USP15: variants seen among roughly 807,000 people sequenced by gnomAD.
USP15 encodes the protein ubiquitin carboxyl-terminal hydrolase 15.
A neutral mutation model predicts 127.1 loss-of-function variants in USP15; 18 were observed. That is an observed-to-expected ratio of 0.14 (90% confidence interval 0.10 to 0.21). USP15 has a LOEUF of 0.21. USP15 is among the 10% of genes least tolerant of loss of function. The pLI is 1.00. For synonymous variants in USP15, 364 were observed against 393.7 expected (o/e 0.92, Z 0.89); for missense variants, 805 against 1,159.9 (o/e 0.69, Z 4.44).
intron 10 of USP15, 34 bp downstream of exon 10, chr12:62,384,032 T>G: frequency 1.2e-6 from 2 of 1,610,332 alleles, no homozygotes; most frequent in Admixed American, 3.4e-5. Context: ...ACCATTGTTA[T>G]AATTTTGTGA....
rs183980702 is a variant in USP15, at chr12:62,370,996, T to G, written c.916-10494T>G. 5.3e-5 allele frequency among the ~76,000 whole-genome samples: 8 copies of G among 152,322 alleles called. No individual in the cohort carries two copies. In the East Asian group the frequency reaches 1.5e-3, roughly 29 times the overall value. On this transcript the variant is annotated intron_variant, in intron 8 of 21. Coordinates refer to ENST00000280377, the MANE Select transcript of USP15 (RefSeq NM_001252078.2). ...TTTTTCCCTTTCCTCTCCTGTTACA[T>G]TATTTCAATGCTTAAGCATCTTTTT...
chr12:62,346,360 G>A (rs2065818095), intron 6 of USP15, among the ~76,000 whole-genome samples: 1 of 152,106 alleles, frequency 6.6e-6, no homozygotes, highest in South Asian at 2.1e-4. Flanking sequence ...TAAGGTTTCA[G>A]CAGTTTTATC....
At chr12:62,358,327 GA>G (rs1381605835) in intron 8 of USP15, among the ~76,000 whole-genome samples, 1 of 152,120 alleles carries the variant, frequency 6.6e-6, no homozygotes, top group Non-Finnish European at 1.5e-5. Flanking sequence ...TTAATTTAAT[GA>G]TATTGGTACT....
In USP15 at chr12:62,308,511, C is replaced by G. The variant is rs181652549; in HGVS notation, c.348+5591C>G. 2.8e-3 allele frequency among the ~76,000 whole-genome samples: 425 copies of G among 152,170 alleles called. 1 individual carries two copies. The highest frequency in any genetic ancestry group is 9.7e-3 in the African/African-American group (402 of 41,524). ...GCACATACCTCCCTCATCCCCTCCC[C>G]TCGGATCACTCACTCTGGGCGAAGC... On this transcript the variant is annotated intron_variant, in intron 3 of 21. Transcript: ENST00000280377.
chr12:62,262,068 G>A (rs796175996), intron 1 of USP15, among the ~76,000 whole-genome samples: 4 of 151,918 alleles, frequency 2.6e-5, no homozygotes, highest in South Asian at 2.1e-4. Flanking sequence ...GTGAAACCCC[G>A]TCTCTACAAA....
At chr12:62,304,552 A>C (rs1374800701) in intron 3 of USP15, 2 of 271,170 alleles carry the variant, frequency 7.4e-6, no homozygotes, top group Non-Finnish European at 1.5e-5. Flanking sequence ...CCAACTTTCA[A>C]TGTTACCCAT....
At chr12:62,394,468 A>G (rs2067419971) in intron 19 of USP15, among the ~76,000 whole-genome samples, 1 of 152,228 alleles carries the variant, frequency 6.6e-6, no homozygotes, top group Non-Finnish European at 1.5e-5. Context: ...ATTTGTAATT[A>G]TTGAGTGAAA....
chr12:62,330,705 G>A (rs1449009265), intron 6 of USP15, among the ~76,000 whole-genome samples: 6 of 150,746 alleles, frequency 4.0e-5, no homozygotes, highest in Admixed American at 2.0e-4. Flanking sequence ...AGTATCACTT[G>A]AGCCCAGGAG....
At chr12:62,296,365 G>C (rs914330126) in intron 2 of USP15, among the ~76,000 whole-genome samples, 1 of 152,088 alleles carries the variant, frequency 6.6e-6, no homozygotes, top group African/African-American at 2.4e-5. Context: ...AAGCCACTAT[G>C]GTAATTCATT....
chr12:62,398,000 G>GT (rs113359688), intron 20 of USP15, among the ~76,000 whole-genome samples: 56 of 147,554 alleles, frequency 3.8e-4, no homozygotes, highest in East Asian at 1.4e-3. Flanking sequence ...TTATCTATAC[G>GT]TTTTTTTTTT....
chr12:62,334,417 A>G (rs1215424550), intron 6 of USP15, among the ~76,000 whole-genome samples: 9 of 152,222 alleles, frequency 5.9e-5, no homozygotes, highest in South Asian at 2.1e-4. Context: ...AAGGAAAAAT[A>G]GAGCTATGAA....
At chr12:62,339,830 A>G (rs2065593268) in intron 6 of USP15, among the ~76,000 whole-genome samples, 2 of 152,310 alleles carry the variant, frequency 1.3e-5, no homozygotes, top group South Asian at 4.1e-4. Context: ...CATCAGGGAT[A>G]TTGGCCTGAA....
At chr12:62,267,676 A>C (rs1486264140) in intron 1 of USP15, among the ~76,000 whole-genome samples, 1 of 152,168 alleles carries the variant, frequency 6.6e-6, no homozygotes, top group Admixed American at 6.5e-5. Context: ...ATCATTTAGC[A>C]GAAGTACCAG....
chr12:62,385,844 C>T (rs938690604), intron 11 of USP15, among the ~76,000 whole-genome samples: 2 of 151,948 alleles, frequency 1.3e-5, no homozygotes, highest in East Asian at 1.9e-4. Context: ...AGCAAGAGAG[C>T]GTAGAATAAT....
At position 62,413,118 on chromosome 12, in the gene USP15, C is replaced by T. The variant is rs373367450; in HGVS notation, c.*8743C>T. 5 of 152,182 alleles carry T rather than the reference C, an allele frequency of 3.3e-5. No homozygotes were observed. The East Asian group carries it at 7.7e-4, about 23-fold the overall frequency. The allele number at this position is 152,182 out of a possible 1,614,324, so 9.4% of individuals were successfully genotyped here. A position where few individuals can be genotyped will look rare whatever the true frequency, so the allele number is the denominator to read the frequency against. On this transcript the variant is annotated 3_prime_UTR_variant, in exon 22 of 22. Coordinates refer to ENST00000280377, the MANE Select transcript of USP15 (RefSeq NM_001252078.2). ...CATAGAGCTCTTGGGTGACCAGGTG[C>T]ACTTGTCAATGAGCAGTAATATTTT...
At chr12:62,383,770 T>C in intron 9 of USP15, 70 bp from the exon 10 acceptor site, 1 of 1,443,164 alleles carries the variant, frequency 6.9e-7, no homozygotes, top group Non-Finnish European at 9.3e-7. Context: ...ATAATGAGAA[T>C]CTATTGTACA....
At chr12:62,349,360 T>A (rs2065905490) in intron 7 of USP15, 53 bp downstream of exon 7, 18 of 1,232,062 alleles carry the variant, frequency 1.5e-5, no homozygotes, top group Non-Finnish European at 1.8e-5. Context: ...CTATTATGGT[T>A]GCAAAAAATC....
chr12:62,335,124 A>G (rs2137348815), intron 6 of USP15: 1 of 1,526,566 alleles, frequency 6.6e-7, no homozygotes, highest in Non-Finnish European at 8.8e-7. Context: ...ATGTCTAGTT[A>G]ATGTATGATA....
chr12:62,261,461 C>G (rs1487099984), intron 1 of USP15, among the ~76,000 whole-genome samples: 3 of 152,076 alleles, frequency 2.0e-5, no homozygotes, highest in African/African-American at 7.2e-5. Flanking sequence ...CCACTGTTAC[C>G]ATAACAGTAG....
Sources: allele counts gnomAD v4.1 joint callset (sites outside exome capture counted in the v4.1 genomes callset), GRCh38; gene constraint gnomAD v4.1.1; transcripts MANE v1.5; gene names NCBI Gene and HGNC (gene_info 2026-07-23, HGNC 2026-07-21).